Variants in FGFR2 observed in about 807,000 individuals in gnomAD.
FGFR2 encodes fibroblast growth factor receptor 2.
In FGFR2, 19 loss-of-function variants were observed where a neutral mutation model predicts 95.9. The ratio of observed to expected loss-of-function variants is 0.20; its 90% CI spans 0.14 to 0.29. The LOEUF is 0.29. Among genes scored for constraint, FGFR2 ranks in the 10% least tolerant of loss-of-function variants. The probability of loss-of-function intolerance (pLI) is 1.00; values close to 1 mark genes in which losing one functional copy is unlikely to be tolerated. For synonymous variants in FGFR2, 392 were observed against 393.3 expected (o/e 1.00, Z 0.04); for missense variants, 707 against 1,056.9 (o/e 0.67, Z 4.59).
At chr10:121,527,884 G>A (rs947677545) in intron 6 of FGFR2, 1 of 152,352 alleles carries the variant, frequency 6.6e-6, no homozygotes, top group South Asian at 2.1e-4. Context: ...TGGGAGTCAC[G>A]TCAGAGCCTC....
At chr10:121,502,044 CCA>C (rs1443125523) in intron 10 of FGFR2, among the ~76,000 whole-genome samples, 2 of 152,168 alleles carry the variant, frequency 1.3e-5, no homozygotes, top group East Asian at 1.9e-4. Flanking sequence ...CTCAGATTTT[CCA>C]CACTCAGGGT....
intron 2 of FGFR2, among the ~76,000 whole-genome samples, chr10:121,577,827 G>A (rs1860170977): frequency 1.3e-5 from 2 of 152,094 alleles, no homozygotes; most frequent in African/African-American, 2.4e-5. Flanking sequence ...GTCTACAGAG[G>A]TCGTATCCAA....
Position 121,481,841 on chromosome 10 carries a change from T to A in FGFR2, c.2302-1820A>T, listed in dbSNP as rs11598152. On this transcript the variant is annotated intron_variant, in intron 17 of 17. Transcript: ENST00000358487. ...CCGGTTTCTTTCTTTTTTATTTTTA[T>A]TTTTTTTTTTTTTGAGACGGAGTCT... 34,279 of 161,778 alleles carry A rather than the reference T, an allele frequency of 0.21. 4,075 individuals are homozygous for A. The highest frequency in any genetic ancestry group is 0.29 in the Middle Eastern group (112 of 386). 10.0% of individuals were successfully genotyped at this position (161,778 alleles called of 1,614,324 possible). A position where few individuals can be genotyped will look rare whatever the true frequency, so the allele number is the denominator to read the frequency against.
intron 6 of FGFR2, among the ~76,000 whole-genome samples, chr10:121,532,493 T>A (rs1852221834): frequency 1.3e-5 from 2 of 152,156 alleles, no homozygotes; most frequent in African/African-American, 4.8e-5. Context: ...ATTAACAGGT[T>A]AATTAATTAA....
intron 2 of FGFR2, among the ~76,000 whole-genome samples, chr10:121,580,126 G>C (rs2135340220): frequency 6.6e-6 from 1 of 152,284 alleles, no homozygotes. Flanking sequence ...CGCACTTTCT[G>C]AATAAAGAAA....
At chr10:121,482,957 C>G (rs1262938573) in intron 17 of FGFR2, among the ~76,000 whole-genome samples, 1 of 152,090 alleles carries the variant, frequency 6.6e-6, no homozygotes, top group South Asian at 2.1e-4. Context: ...CCACCACATC[C>G]AACTAATTTT....
At chr10:121,570,355 C>T (rs1858454556) in intron 2 of FGFR2, among the ~76,000 whole-genome samples, 1 of 152,198 alleles carries the variant, frequency 6.6e-6, no homozygotes, top group African/African-American at 2.4e-5. Flanking sequence ...CTGCGCGGAG[C>T]CAGGACAATC....
intron 2 of FGFR2, among the ~76,000 whole-genome samples, chr10:121,580,828 AAAAC>A (rs1347284126): frequency 6.6e-6 from 1 of 152,222 alleles, no homozygotes; most frequent in Non-Finnish European, 1.5e-5. Flanking sequence ...AAGCTTCAAG[AAAAC>A]AAACAAACTT....
intron 6 of FGFR2, among the ~76,000 whole-genome samples, chr10:121,537,019 G>C (rs944282528): frequency 1.3e-5 from 2 of 152,196 alleles, no homozygotes; most frequent in African/African-American, 4.8e-5. Context: ...GATTTACAGT[G>C]TATCAATGCC....
At chr10:121,594,336 A>C (rs929428176) in intron 1 of FGFR2, among the ~76,000 whole-genome samples, 2 of 152,190 alleles carry the variant, frequency 1.3e-5, no homozygotes, top group African/African-American at 4.8e-5. Context: ...GGCAACTACA[A>C]AAGCAAGTTA....
chr10:121,541,607 C>T (rs1472435383), intron 5 of FGFR2, among the ~76,000 whole-genome samples: 1 of 152,126 alleles, frequency 6.6e-6, no homozygotes, highest in Non-Finnish European at 1.5e-5. Context: ...GCACATACAC[C>T]GTCTTTGCTT....
intron 5 of FGFR2, among the ~76,000 whole-genome samples, chr10:121,546,244 C>T (rs1052154129): frequency 3.3e-5 from 5 of 149,306 alleles, no homozygotes; most frequent in African/African-American, 7.6e-5. Context: ...TGATGCTACA[C>T]GATGGTGATA....
At chr10:121,543,718 T>C (rs1332108550) in intron 5 of FGFR2, among the ~76,000 whole-genome samples, 1 of 152,088 alleles carries the variant, frequency 6.6e-6, no homozygotes, top group African/African-American at 2.4e-5. Flanking sequence ...ACTCCAACAT[T>C]GATACAAGAA....
Position 121,582,958 on chromosome 10 carries a change from G to A in FGFR2, c.109+10751C>T, listed in dbSNP as rs79098381. On this transcript the variant is annotated intron_variant, in intron 2 of 17. Transcript: ENST00000358487. ...CACCTACACATTAGCTGGTACTGGAGTTCACTTTTTATTTTTAAATACCAA... is the reference window on the plus strand; with the variant it reads ...CACCTACACATTAGCTGGTACTGGAATTCACTTTTTATTTTTAAATACCAA... Among the ~76,000 whole-genome samples, 559 of 152,264 alleles carry A rather than the reference G, an allele frequency of 3.7e-3. 9 individuals are homozygous for A. The East Asian group carries it at 0.06, about 16-fold the overall frequency.
intron 6 of FGFR2, among the ~76,000 whole-genome samples, chr10:121,532,833 A>G (rs934622394): frequency 6.6e-6 from 1 of 151,956 alleles, no homozygotes; most frequent in Non-Finnish European, 1.5e-5. Flanking sequence ...CTGAGGGGGG[A>G]CTTCGCTCTG....
chr10:121,491,274 T>G (rs562141929), intron 13 of FGFR2, among the ~76,000 whole-genome samples: 1 of 152,186 alleles, frequency 6.6e-6, no homozygotes, highest in African/African-American at 2.4e-5. Context: ...AGAGGAGACT[T>G]GGAACCCACA....
intron 2 of FGFR2, among the ~76,000 whole-genome samples, chr10:121,571,293 C>CCACAAGCAG (rs1858660272): frequency 1.1e-5 from 1 of 87,110 alleles, no homozygotes; most frequent in African/African-American, 4.4e-5. Context: ...CCGTGCCTGG[C>CCACAAGCAG]CTTTTTTTTT....
At chr10:121,589,163 C>T (rs2135437667) in intron 2 of FGFR2, among the ~76,000 whole-genome samples, 1 of 152,248 alleles carries the variant, frequency 6.6e-6, no homozygotes, top group Non-Finnish European at 1.5e-5. Flanking sequence ...AGCCAGGCAC[C>T]CAAAAATCAA....
intron 5 of FGFR2, among the ~76,000 whole-genome samples, chr10:121,542,505 C>G (rs926639786): frequency 1.3e-5 from 2 of 152,174 alleles, no homozygotes; most frequent in Non-Finnish European, 2.9e-5. Flanking sequence ...AAATTCTGCA[C>G]CAACCAACAC....
Sources: allele counts gnomAD v4.1 joint callset (sites outside exome capture counted in the v4.1 genomes callset), GRCh38; gene constraint gnomAD v4.1.1; transcripts MANE v1.5; gene names NCBI Gene and HGNC (gene_info 2026-07-23, HGNC 2026-07-21).